The following KITLG variants were observed in gnomAD, a reference collection of about 807,000 sequenced individuals.
KITLG encodes c-Kit ligand.
A neutral mutation model predicts 34.1 loss-of-function variants in KITLG; 13 were observed. The ratio of observed to expected loss-of-function variants is 0.38; its 90% CI spans 0.25 to 0.61. KITLG has a LOEUF of 0.61. Ranked by LOEUF, KITLG falls within the 20% of genes least tolerant of loss-of-function variation. The pLI, the probability that KITLG is intolerant of heterozygous loss-of-function variation, is 0.60. For missense variants in KITLG, 292 were observed against 318.9 expected (o/e 0.92, Z 0.64); for synonymous variants, 110 against 104.0 (o/e 1.06, Z -0.35).
At chr12:88,516,211 C>T in intron 5 of KITLG, 123 bp downstream of exon 5, 2 of 835,744 alleles carry the variant, frequency 2.4e-6, no homozygotes, top group African/African-American at 1.7e-5. Flanking sequence ...TTGATATCTG[C>T]TTTTTTATTA....
At chr12:88,525,046 T>C (rs550617806) in intron 3 of KITLG, among the ~76,000 whole-genome samples, 8 of 152,196 alleles carry the variant, frequency 5.3e-5, no homozygotes, top group Non-Finnish European at 8.8e-5. Flanking sequence ...CCAAAATTGG[T>C]ATTGATCATT....
chr12:88,567,035 A>G (rs1412032382), intron 1 of KITLG, among the ~76,000 whole-genome samples: 2 of 152,180 alleles, frequency 1.3e-5, no homozygotes, highest in Non-Finnish European at 1.5e-5. Flanking sequence ...TGCAAAAGGA[A>G]TTCCTTTTTA....
chr12:88,530,833 G>C (rs1216418366), intron 3 of KITLG, among the ~76,000 whole-genome samples: 1 of 152,278 alleles, frequency 6.6e-6, no homozygotes, highest in East Asian at 1.9e-4. Flanking sequence ...AAGAAATGTA[G>C]CTTTGACATT....
chr12:88,521,521 G>C (rs2120850961), intron 3 of KITLG, among the ~76,000 whole-genome samples: 1 of 152,040 alleles, frequency 6.6e-6, no homozygotes, highest in South Asian at 2.1e-4. Flanking sequence ...ATTTTTCAGA[G>C]ATATTTTAAA....
At chr12:88,528,890 A>G (rs1046729112) in intron 3 of KITLG, among the ~76,000 whole-genome samples, 3 of 152,238 alleles carry the variant, frequency 2.0e-5, no homozygotes, top group Non-Finnish European at 2.9e-5. Flanking sequence ...AAACTGATGA[A>G]TATATACTTT....
Position 88,546,574 on chromosome 12 carries a change from T to A in KITLG, c.16-709A>T, listed in dbSNP as rs182351635. 5.9e-5 allele frequency among the ~76,000 whole-genome samples: 9 copies of A among 152,328 alleles called. No homozygotes were observed. In the East Asian group the frequency reaches 1.5e-3, roughly 26 times the overall value. On this transcript the variant is annotated intron_variant, in intron 1 of 9. Transcript: ENST00000644744. ...TATGTATTATAGTTGCTTTTATGCA[T>A]GACTTATTTTTCCTTATTACACTGT... is the stretch of plus-strand genomic sequence containing the variant.
chr12:88,507,543 C>A (rs985793210), intron 6 of KITLG, among the ~76,000 whole-genome samples: 2 of 152,186 alleles, frequency 1.3e-5, no homozygotes, highest in African/African-American at 4.8e-5. Context: ...CATTTTACAA[C>A]CTGGATCAAG....
chr12:88,496,236 T>C lies in KITLG; in HGVS notation c.*983A>G, dbSNP rs1868638014. On this transcript the variant is annotated 3_prime_UTR_variant, in exon 10 of 10. Coordinates refer to ENST00000644744, the MANE Select transcript of KITLG (RefSeq NM_000899.5). ...GGCGTGGTTTTCTAACCTTAGATAC[T>C]AAATGTCATAATTTATTTTTAGGCT... 1.3e-5 allele frequency: 2 copies of C among 152,200 alleles called. No individual in the cohort carries two copies. The highest frequency in any genetic ancestry group is 4.8e-5 in the African/African-American group (2 of 41,466). The allele number at this position is 152,200 out of a possible 1,614,324, so 9.4% of individuals were successfully genotyped here.
rs143641243 is a variant in KITLG, at chr12:88,547,462, A to G, written c.16-1597T>C. On this transcript the variant is annotated intron_variant, in intron 1 of 9. Transcript: ENST00000644744. Reference sequence around the variant, plus strand: ...CTCTTCATAGTATCATCTTTCTTGGACCACAGTGAAGACTAAGTTGTATAA... The same window carrying G: ...CTCTTCATAGTATCATCTTTCTTGGGCCACAGTGAAGACTAAGTTGTATAA... Among the ~76,000 whole-genome samples the G allele has an allele frequency of 8.5e-5, 13 of 152,298 alleles. No individual in the cohort carries two copies. The East Asian group carries it at 2.5e-3, about 29-fold the overall frequency.
intron 2 of KITLG, among the ~76,000 whole-genome samples, chr12:88,540,081 C>CCTTATGATGATGACACAA (rs1310897673): frequency 6.6e-6 from 1 of 151,950 alleles, no homozygotes; most frequent in Non-Finnish European, 1.5e-5. Flanking sequence ...TGATGACATA[C>CCTTATGATGATGACACAA]CTTATGATGA....
At chr12:88,532,405 C>G in intron 3 of KITLG, 36 bp downstream of exon 3, 2 of 1,430,574 alleles carry the variant, frequency 1.4e-6, no homozygotes, top group Non-Finnish European at 2.0e-6. Flanking sequence ...CTTCTATGAG[C>G]TACTAAAATG....
intron 2 of KITLG, 34 bp downstream of exon 2, chr12:88,545,718 T>G: frequency 1.6e-6 from 2 of 1,258,266 alleles, no homozygotes; most frequent in Non-Finnish European, 2.3e-6. Flanking sequence ...CACAGCTCTT[T>G]TTTACACAGC....
intron 7 of KITLG, 81 bp from the exon 8 acceptor site, chr12:88,506,459 A>G: frequency 2.1e-6 from 2 of 954,450 alleles, no homozygotes; most frequent in Non-Finnish European, 3.4e-6. Flanking sequence ...CTCCACTTTT[A>G]TCTTTTATGG....
intron 6 of KITLG, among the ~76,000 whole-genome samples, chr12:88,510,081 C>T (rs1379527107): frequency 6.6e-6 from 1 of 152,196 alleles, no homozygotes. Context: ...ATTACCAAAA[C>T]TATTCACTGT....
intron 6 of KITLG, among the ~76,000 whole-genome samples, chr12:88,507,467 C>A (rs1425033329): frequency 1.3e-5 from 2 of 152,154 alleles, no homozygotes; most frequent in African/African-American, 2.4e-5. Flanking sequence ...ATCTCCCATG[C>A]CTTTATCTTC....
At position 88,533,695 on chromosome 12, in the gene KITLG, A is replaced by C. The variant is rs982250632; in HGVS notation, c.130-1192T>G. On this transcript the variant is annotated intron_variant, in intron 2 of 9. Coordinates refer to ENST00000644744, the MANE Select transcript of KITLG (RefSeq NM_000899.5). ...TATTTTTTCCTTCACCTTGTCTCTAAAAACTTTATCTTCCTTATAGAAAGC... is the reference window on the plus strand; with the variant it reads ...TATTTTTTCCTTCACCTTGTCTCTACAAACTTTATCTTCCTTATAGAAAGC... Among the ~76,000 whole-genome samples the C allele has an allele frequency of 4.6e-5, 7 of 152,274 alleles. 1 individual carries two copies. Among genetic ancestry groups the C allele is most frequent in the Admixed American group, 4.6e-4 (7 of 15,290 alleles).
chr12:88,541,438 A>C (rs1022112348), intron 2 of KITLG, among the ~76,000 whole-genome samples: 1 of 152,200 alleles, frequency 6.6e-6, no homozygotes, highest in Non-Finnish European at 1.5e-5. Context: ...ATATTGAGTT[A>C]AATTGCCTCA....
chr12:88,532,513 C>G lies in KITLG; in HGVS notation c.130-10G>C, dbSNP rs761387804. ...TTGGAAGATTTGCCACCTACAGAGA[C>G]AAAAAAAAAAATTCCATAAGAAAAT... is the stretch of plus-strand genomic sequence containing the variant. On this transcript the variant is annotated splice_polypyrimidine_tract_variant and intron_variant, in intron 2 of 9. Coordinates refer to ENST00000644744, the MANE Select transcript of KITLG (RefSeq NM_000899.5). 1.1e-5 allele frequency: 15 copies of G among 1,308,138 alleles called. No homozygotes were observed. The East Asian group carries it at 4.4e-4, about 38-fold the overall frequency. The allele number at this position is 1,308,138 out of a possible 1,614,324, so 81.0% of individuals were successfully genotyped here.
At chr12:88,529,476 C>A (rs1468081211) in intron 3 of KITLG, among the ~76,000 whole-genome samples, 1 of 152,190 alleles carries the variant, frequency 6.6e-6, no homozygotes, top group Non-Finnish European at 1.5e-5. Context: ...GAGACAGAAT[C>A]TGCTAGGTAA....
Sources: allele counts gnomAD v4.1 joint callset (sites outside exome capture counted in the v4.1 genomes callset), GRCh38; gene constraint gnomAD v4.1.1; transcripts MANE v1.5; gene names NCBI Gene and HGNC (gene_info 2026-07-23, HGNC 2026-07-21).